IFNAR2: variants seen among roughly 807,000 people sequenced by gnomAD.
IFNAR2 encodes interferon alpha/beta receptor 2.
Under a neutral mutation model 49.4 loss-of-function variants are expected in IFNAR2, and 30 were observed. That is an observed-to-expected ratio of 0.61 (90% CI 0.45 to 0.82). The LOEUF (loss-of-function observed/expected upper bound fraction) is 0.82, where lower values mean the gene tolerates loss of function less well. Among genes scored for constraint, IFNAR2 ranks in the 40% least tolerant of loss-of-function variants. The pLI is 0.00. For synonymous variants in IFNAR2, 224 were observed against 234.5 expected, an observed-to-expected ratio of 0.96 and a Z score of 0.41; for missense variants, 600 against 622.7, an observed-to-expected ratio of 0.96 and a Z score of 0.39.
At position 33,248,822 on chromosome 21, in the gene IFNAR2, AT is replaced by A. The variant is rs1440959975; in HGVS notation, c.510del (p.Ile170MetfsTer16). The A allele has an allele frequency of 6.2e-7, 1 of 1,607,984 alleles. No individual in the cohort carries two copies. The highest frequency in any genetic ancestry group is 8.5e-7 in the Non-Finnish European group (1 of 1,177,680). ...EELQFDLSLVIEEQSEGIVKK... is the reference protein window; with the variant it reads ...EELQFDLSLVXEEQSEGIVKK... ...ATTACAGTTTGATTTATCTCTCGTC[AT>A]TGAAGAACAGTCAGAGGGAATTGTT... On this transcript the variant is annotated frameshift_variant, in exon 6 of 9. Transcript: ENST00000342136. LOFTEE classifies it high-confidence loss of function.
chr21:33,230,194 G>A lies in IFNAR2; in HGVS notation c.-106G>A. ...GGCCCGAGGCTAGCATCTCTCGGGA[G>A]CCGCAAGGCGAGAGCTGCAAAGGTA... is the stretch of plus-strand genomic sequence containing the variant. On this transcript the variant is annotated 5_prime_UTR_variant, in exon 1 of 9. Transcript: ENST00000342136. This position sits in a 1 kb window ranked among gnomAD's most constrained non-coding sequence, Gnocchi z 5.5. 4 of 1,030,240 alleles carry A rather than the reference G, an allele frequency of 3.9e-6. No individual in the cohort carries two copies. Among genetic ancestry groups the A allele is most frequent in the Non-Finnish European group, 4.7e-6 (4 of 854,708 alleles). The allele number at this position is 1,030,240 out of a possible 1,614,324, so 63.8% of individuals were successfully genotyped here. A position where few individuals can be genotyped will look rare whatever the true frequency, so the allele number is the denominator to read the frequency against.
intron 1 of IFNAR2, among the ~76,000 whole-genome samples, chr21:33,241,108 G>A (rs936838125): frequency 6.6e-6 from 1 of 152,140 alleles, no homozygotes; most frequent in Non-Finnish European, 1.5e-5. Context: ...ATACTATTCA[G>A]GTGATGGATA....
chr21:33,253,923 CT>C (rs1025159309), intron 7 of IFNAR2, among the ~76,000 whole-genome samples: 2 of 152,108 alleles, frequency 1.3e-5, no homozygotes, highest in South Asian at 2.1e-4. Flanking sequence ...TGCCAACCCC[CT>C]ATCTCATCCT....
At chr21:33,231,529 A>G (rs1168728565) in intron 1 of IFNAR2, among the ~76,000 whole-genome samples, 7 of 152,222 alleles carry the variant, frequency 4.6e-5, no homozygotes, top group Non-Finnish European at 1.5e-5. Context: ...AGTCATTTCA[A>G]AAAGTAGTAT....
At chr21:33,234,891 C>T (rs1026910356) in intron 1 of IFNAR2, 11 of 197,014 alleles carry the variant, frequency 5.6e-5, no homozygotes, top group Admixed American at 2.6e-4. Context: ...ACTCCATAGG[C>T]AGAGCAGCAG....
At chr21:33,243,088 ATT>A (rs772835653) in intron 2 of IFNAR2, among the ~76,000 whole-genome samples, 3 of 127,088 alleles carry the variant, frequency 2.4e-5, no homozygotes, top group Non-Finnish European at 1.7e-5. Flanking sequence ...GTGTCCAGCC[ATT>A]TTTTTTTTTT....
In IFNAR2 at chr21:33,230,563, T is replaced by G. The variant is rs1407289775; in HGVS notation, c.-84+347T>G. The G allele has an allele frequency of 2.1e-6, 1 of 470,374 alleles. No individual in the cohort carries two copies. The highest frequency in any genetic ancestry group is 4.4e-6 in the Non-Finnish European group (1 of 226,762). The allele number at this position is 470,374 out of a possible 1,614,324, so 29.1% of individuals were successfully genotyped here. ...GGCATTTGCCACTGCAAGATGTGAG[T>G]CGTTGCTAAGTTTGAGGGTCACATT... On this transcript the variant is annotated intron_variant, in intron 1 of 8. Transcript: ENST00000342136. The surrounding 1 kb of genome is among the most constrained non-coding windows in gnomAD (Gnocchi z 5.5).
intron 6 of IFNAR2, chr21:33,251,747 T>TC: frequency 1.0e-6 from 1 of 985,398 alleles, no homozygotes. Flanking sequence ...TCTTTTAAAT[T>TC]CTGAAGTGAA....
Position 33,263,343 on chromosome 21 carries a change from A to C in IFNAR2, c.1391A>C (p.Asn464Thr), listed in dbSNP as rs1226146327. 2.5e-6 allele frequency: 4 copies of C among 1,614,172 alleles called. No homozygotes were observed. Among genetic ancestry groups the C allele is most frequent in the Non-Finnish European group, 8.5e-7 (1 of 1,180,018 alleles). Reference sequence around the variant, plus strand: ...ATGGTTGACCCAGAGGATCCTGATAATGTGCAATCAAACCATTTGCTGGCC... The same window carrying C: ...ATGGTTGACCCAGAGGATCCTGATACTGTGCAATCAAACCATTTGCTGGCC... ...EEMVDPEDPD[N>T]VQSNHLLASG... The change falls in exon 9 of 9, where the codon AAT (asparagine) becomes ACT (threonine). Residue 464 changes from asparagine to threonine, a missense_variant. Asn to Thr is a moderately conservative substitution (Grantham distance 65). Transcript: ENST00000342136.
chr21:33,243,275 G>T (rs1180825308), intron 2 of IFNAR2, among the ~76,000 whole-genome samples: 2 of 152,032 alleles, frequency 1.3e-5, no homozygotes, highest in Non-Finnish European at 2.9e-5. Flanking sequence ...GTAGAGACAG[G>T]GTTTTGCCGT....
At chr21:33,237,833 T>G (rs1601789519) in intron 1 of IFNAR2, among the ~76,000 whole-genome samples, 1 of 152,252 alleles carries the variant, frequency 6.6e-6, no homozygotes, top group East Asian at 1.9e-4. Flanking sequence ...CAGAGAAGAC[T>G]TAAAAATTAC....
intron 1 of IFNAR2, among the ~76,000 whole-genome samples, chr21:33,233,561 A>G (rs1358986773): frequency 1.3e-5 from 2 of 152,174 alleles, no homozygotes. Context: ...GAAAAACAAA[A>G]TCAAGCTCGC....
chr21:33,260,475 CTG>C (rs1314044441), intron 7 of IFNAR2, 120 bp from the exon 8 acceptor site: 26 of 806,688 alleles, frequency 3.2e-5, no homozygotes, highest in Non-Finnish European at 4.5e-5. Flanking sequence ...CAATATAAAA[CTG>C]TTTTTTCAAA....
chr21:33,234,995 G>A (rs1450032940), intron 1 of IFNAR2, among the ~76,000 whole-genome samples: 2 of 152,298 alleles, frequency 1.3e-5, no homozygotes, highest in East Asian at 1.9e-4. Context: ...AAAAGGGGTG[G>A]GAGTTCTGGA....
intron 1 of IFNAR2, among the ~76,000 whole-genome samples, chr21:33,238,484 A>G (rs1986652686): frequency 6.6e-6 from 1 of 152,142 alleles, no homozygotes; most frequent in African/African-American, 2.4e-5. Flanking sequence ...ATGGATGGGG[A>G]CAGAATATCT....
chr21:33,246,799 C>T lies in IFNAR2; in HGVS notation c.303C>T (p.Ser101=), dbSNP rs1415221146. 2.4e-5 allele frequency: 39 copies of T among 1,613,654 alleles called. No individual in the cohort carries two copies. Among genetic ancestry groups the T allele is most frequent in the Non-Finnish European group, 2.7e-5 (32 of 1,179,680 alleles). Residue 101 remains serine, a synonymous_variant, in exon 5 of 9, where the codon AGC becomes AGT. Coordinates refer to ENST00000342136, the MANE Select transcript of IFNAR2 (RefSeq NM_001289125.3). The part of the protein sequence containing the change: ...SFCDLTDEWR[S]THEAYVTVLE... ...GTGACCTCACAGATGAGTGGAGAAG[C>T]ACACACGAGGCCTATGTCACCGTCC...
At chr21:33,251,087 G>A (rs1036145266) in intron 6 of IFNAR2, among the ~76,000 whole-genome samples, 2 of 152,188 alleles carry the variant, frequency 1.3e-5, no homozygotes, top group Non-Finnish European at 2.9e-5. Flanking sequence ...CATGTTGAAT[G>A]CCCTAAGACC....
chr21:33,241,550 GT>G (rs1387196495), intron 1 of IFNAR2, among the ~76,000 whole-genome samples: 1 of 152,072 alleles, frequency 6.6e-6, no homozygotes, highest in Non-Finnish European at 1.5e-5. Context: ...ATATGTATTT[GT>G]TTTTGCTTAT....
At chr21:33,252,130 T>C (rs920367248) in intron 6 of IFNAR2, 5 of 447,434 alleles carry the variant, frequency 1.1e-5, no homozygotes, top group Non-Finnish European at 2.3e-5. Context: ...ATCTGTCTAT[T>C]GATAAAGGGA....
Sources: allele counts gnomAD v4.1 joint callset (sites outside exome capture counted in the v4.1 genomes callset), GRCh38; gene constraint gnomAD v4.1.1; non-coding constraint Gnocchi (gnomAD v3.1); transcripts MANE v1.5; gene names NCBI Gene and HGNC (gene_info 2026-07-23, HGNC 2026-07-21).